TMEM30A: variants seen among roughly 807,000 people sequenced by gnomAD.
TMEM30A encodes the protein cell cycle control protein 50A.
Under a neutral mutation model 38.2 loss-of-function variants are expected in TMEM30A, and 24 were observed. That is an observed-to-expected ratio of 0.63 (90% CI 0.46 to 0.88). TMEM30A has a LOEUF of 0.88. Among genes scored for constraint, TMEM30A ranks in the 40% least tolerant of loss-of-function variants. The pLI is 0.00. For synonymous variants in TMEM30A, 145 were observed against 161.6 expected (o/e 0.90, Z 0.78); for missense variants, 370 against 458.6 (o/e 0.81, Z 1.77).
chr6:75,268,422 G>C (rs777499911), intron 1 of TMEM30A, among the ~76,000 whole-genome samples: 1 of 152,188 alleles, frequency 6.6e-6, no homozygotes, highest in Non-Finnish European at 1.5e-5. Context: ...GGAAAGTGGG[G>C]CTAAAAATTT....
At chr6:75,270,399 T>C (rs529952805) in intron 1 of TMEM30A, among the ~76,000 whole-genome samples, 44 of 152,322 alleles carry the variant, frequency 2.9e-4, no homozygotes, top group Admixed American at 9.8e-4. Context: ...TCCCCCAGTA[T>C]GATGGTATCT....
Position 75,284,280 on chromosome 6 carries a change from G to T in TMEM30A, c.237+122C>A, listed in dbSNP as rs926286142. The stretch of plus-strand genomic sequence containing the variant: ...AAAACAGAGAAACAGAGGGAAGGGG[G>T]TGGTGGACGGCGCGAGGTCAGCCAG... On this transcript the variant is annotated intron_variant, in intron 1 of 6. Transcript: ENST00000230461. 9.1e-6 allele frequency: 8 copies of T among 875,454 alleles called. No homozygotes were observed. The East Asian group carries it at 2.0e-4, about 22-fold the overall frequency. The allele number at this position is 875,454 out of a possible 1,614,324, so 54.2% of individuals were successfully genotyped here. A position where few individuals can be genotyped will look rare whatever the true frequency, so the allele number is the denominator to read the frequency against.
At chr6:75,257,762 T>C (rs1771888585) in intron 6 of TMEM30A, among the ~76,000 whole-genome samples, 1 of 152,184 alleles carries the variant, frequency 6.6e-6, no homozygotes, top group African/African-American at 2.4e-5. Flanking sequence ...TATTTTGAAA[T>C]TGGGTCTATT....
intron 1 of TMEM30A, among the ~76,000 whole-genome samples, chr6:75,275,011 A>C (rs1389791248): frequency 1.6e-3 from 3 of 1,850 alleles, no homozygotes; most frequent in African/African-American, 2.2e-3. Flanking sequence ...ACTCTGTCTC[A>C]AAAAAAAAAA....
intron 1 of TMEM30A, among the ~76,000 whole-genome samples, chr6:75,275,352 T>C (rs1236353504): frequency 6.6e-6 from 1 of 152,196 alleles, no homozygotes; most frequent in East Asian, 1.9e-4. Flanking sequence ...GTAACTCTAG[T>C]CTCAACCTTC....
chr6:75,280,417 G>T (rs1772337439), intron 1 of TMEM30A, among the ~76,000 whole-genome samples: 1 of 152,056 alleles, frequency 6.6e-6, no homozygotes, highest in Non-Finnish European at 1.5e-5. Context: ...TGTAACAAGA[G>T]AGAAAACAAA....
At chr6:75,261,261 T>C (rs918449373) in intron 3 of TMEM30A, among the ~76,000 whole-genome samples, 2 of 152,236 alleles carry the variant, frequency 1.3e-5, no homozygotes, top group Admixed American at 6.5e-5. Flanking sequence ...CCAGTTGTGA[T>C]ATAACAAGAA....
intron 1 of TMEM30A, among the ~76,000 whole-genome samples, chr6:75,283,971 G>A (rs189322501): frequency 3.0e-4 from 45 of 152,166 alleles, no homozygotes; most frequent in African/African-American, 1.1e-3. Flanking sequence ...TCCCACAAAG[G>A]TAATGGCACT....
chr6:75,258,976 C>T lies in TMEM30A; in HGVS notation c.696G>A (p.Lys232=), dbSNP rs760818605. 6.2e-6 allele frequency: 10 copies of T among 1,613,148 alleles called. No homozygotes were observed. In the South Asian group the frequency reaches 9.9e-5, roughly 16 times the overall value. ...AAACTGGTTTAAGCCAGTTCACAGG[C>T]TTTGTTGTACCTTAAAAGGAGTGGG... ...NLEERFKGTT[K]PVNWLKPVYM... is the part of the protein sequence containing the mutation. Residue 232 remains lysine (K), a synonymous_variant, in exon 6 of 7, where the codon AAG becomes AAA. Coordinates refer to ENST00000230461, the MANE Select transcript of TMEM30A (RefSeq NM_018247.4).
At chr6:75,274,507 T>C (rs546025453) in intron 1 of TMEM30A, among the ~76,000 whole-genome samples, 1 of 152,106 alleles carries the variant, frequency 6.6e-6, no homozygotes, top group African/African-American at 2.4e-5. Flanking sequence ...ATAATCCAGG[T>C]GAAAAATGTT....
chr6:75,256,589 G>A (rs1312821643), intron 6 of TMEM30A, among the ~76,000 whole-genome samples: 2 of 152,042 alleles, frequency 1.3e-5, no homozygotes, highest in African/African-American at 2.4e-5. Flanking sequence ...AGGGGCAAAA[G>A]GCCTCAAAGG....
intron 6 of TMEM30A, 138 bp from the exon 7 acceptor site, chr6:75,256,433 AT>A: frequency 1.8e-6 from 1 of 564,508 alleles, no homozygotes; most frequent in Non-Finnish European, 2.8e-6. Context: ...TACGTTCTAA[AT>A]CACACACACA....
chr6:75,259,459 A>C lies in TMEM30A; in HGVS notation c.573T>G (p.Asp191Glu). The change falls in exon 5 of 7, where the codon GAT becomes GAG. Residue 191 changes from aspartate to glutamate, a missense_variant. Asp to Glu is a conservative substitution (Grantham distance 45). Coordinates refer to ENST00000230461, the MANE Select transcript of TMEM30A (RefSeq NM_018247.4). Reference sequence around the variant, plus strand: ...TCAAAGCGATAGGTATAGGATAAGAATCATTGCCAATGAGAAACAATTCTA... The same window carrying C: ...TCAAAGCGATAGGTATAGGATAAGACTCATTGCCAATGAGAAACAATTCTA... ...DTLELFLIGNDSYPIPIALKK... is the reference protein window; with the variant it reads ...DTLELFLIGNESYPIPIALKK... 11 of 1,607,826 alleles carry C rather than the reference A, an allele frequency of 6.8e-6. No homozygotes were observed. Among genetic ancestry groups the C allele is most frequent in the Non-Finnish European group, 9.3e-6 (11 of 1,177,974 alleles).
intron 3 of TMEM30A, among the ~76,000 whole-genome samples, chr6:75,264,311 C>T (rs1562389472): frequency 6.6e-6 from 1 of 152,208 alleles, no homozygotes; most frequent in South Asian, 2.1e-4. Context: ...CTCTGGGCCT[C>T]TGAATGTTTG....
chr6:75,267,127 T>G (rs1772083032), intron 2 of TMEM30A, among the ~76,000 whole-genome samples: 1 of 152,184 alleles, frequency 6.6e-6, no homozygotes, highest in South Asian at 2.1e-4. Flanking sequence ...AGAATGGCAG[T>G]GTAAATGCAA....
chr6:75,273,195 G>C (rs1318486031), intron 1 of TMEM30A, among the ~76,000 whole-genome samples: 1 of 152,166 alleles, frequency 6.6e-6, no homozygotes, highest in Non-Finnish European at 1.5e-5. Flanking sequence ...TACTGCTGCT[G>C]ACAATAAAGC....
At chr6:75,277,060 C>T (rs571573741) in intron 1 of TMEM30A, among the ~76,000 whole-genome samples, 1 of 152,286 alleles carries the variant, frequency 6.6e-6, no homozygotes, top group South Asian at 2.1e-4. Context: ...ACCATCAACC[C>T]TTCCTTCATT....
chr6:75,273,933 T>C (rs867915625), intron 1 of TMEM30A, among the ~76,000 whole-genome samples: 2 of 152,228 alleles, frequency 1.3e-5, no homozygotes, highest in Non-Finnish European at 2.9e-5. Context: ...GAGTCCCTAT[T>C]AGGTGCTAGG....
chr6:75,265,418 G>A (rs989963483), intron 2 of TMEM30A, 80 bp from the exon 3 acceptor site: 3 of 747,828 alleles, frequency 4.0e-6, no homozygotes, highest in Middle Eastern at 3.1e-4. Flanking sequence ...TAAAAGCTAC[G>A]TAATTTGGAC....
Sources: allele counts gnomAD v4.1 joint callset (sites outside exome capture counted in the v4.1 genomes callset), GRCh38; gene constraint gnomAD v4.1.1; transcripts MANE v1.5; gene names NCBI Gene and HGNC (gene_info 2026-07-23, HGNC 2026-07-21).